Variants in VAMP8 observed in about 807,000 individuals in gnomAD.
The protein encoded by VAMP8 is vesicle associated membrane protein 8, also known as vesicle-associated membrane protein 8.
Under a neutral mutation model 11.4 loss-of-function variants are expected in VAMP8, and 9 were observed. That is an observed-to-expected ratio of 0.79 (90% CI 0.48 to 1.38). The LOEUF (loss-of-function observed/expected upper bound fraction) is 1.38. Ranked by LOEUF, VAMP8 falls within the 40% of genes most tolerant of loss-of-function variation. The pLI is 0.00. For missense variants in VAMP8, 108 were observed against 127.8 expected (o/e 0.85, Z 0.75); for synonymous variants, 42 against 44.7 (o/e 0.94, Z 0.24).
At chr2:85,577,701 G>A (rs1672304000) in intron 1 of VAMP8, 52 bp downstream of exon 1, 5 of 1,551,516 alleles carry the variant, frequency 3.2e-6, no homozygotes, top group African/African-American at 2.7e-5. Context: ...AGCCAGAGGG[G>A]GCTTGGGACT....
intron 1 of VAMP8, among the ~76,000 whole-genome samples, chr2:85,577,894 G>A (rs536043147): frequency 2.0e-5 from 3 of 152,120 alleles, no homozygotes; most frequent in Non-Finnish European, 4.4e-5. Flanking sequence ...GGGCTTCCGT[G>A]CCAGCGCCGA....
chr2:85,577,658 A>C lies in VAMP8; in HGVS notation c.3+9A>C. The C allele has an allele frequency of 6.5e-7, 1 of 1,546,006 alleles. No homozygotes were observed. The highest frequency in any genetic ancestry group is 1.2e-5 in the South Asian group (1 of 83,936). On this transcript the variant is annotated intron_variant, in intron 1 of 2. Coordinates refer to ENST00000263864, the MANE Select transcript of VAMP8 (RefSeq NM_003761.5). ...GGCTGCTCTGAGACATGGTGAGCCA[A>C]CTGGGAACTAGGAAAGGGCTGGTTT...
rs1037366966 is a variant in VAMP8 at position 85,581,823 on chromosome 2, G to A, written c.*107G>A. ...TCTTCCTCTACAGAGAATGCTGCTC[G>A]GTCCTCCTACCCCTCTTCCCGAGGC... On this transcript the variant is annotated 3_prime_UTR_variant, in exon 3 of 3. Coordinates refer to ENST00000263864, the MANE Select transcript of VAMP8 (RefSeq NM_003761.5). The A allele has an allele frequency of 2.7e-6, 4 of 1,478,374 alleles. No homozygotes were observed. The highest frequency in any genetic ancestry group is 2.5e-5 in the South Asian group (2 of 79,312). 91.6% of individuals were successfully genotyped at this position (1,478,374 alleles called of 1,614,324 possible).
In VAMP8 at chr2:85,581,784, G is replaced by T. The variant is rs751059812; in HGVS notation, c.*68G>T. The T allele has an allele frequency of 2.9e-5, 46 of 1,593,808 alleles. No individual in the cohort carries two copies. The highest frequency in any genetic ancestry group is 3.8e-5 in the Non-Finnish European group (44 of 1,167,574). ...ACCCTCCATAAATGTGTGCCAAGAG[G>T]GTCTCCTTTCCTGTCTTCCTCTACA... On this transcript the variant is annotated 3_prime_UTR_variant, in exon 3 of 3. Coordinates refer to ENST00000263864, the MANE Select transcript of VAMP8 (RefSeq NM_003761.5).
intron 1 of VAMP8, among the ~76,000 whole-genome samples, chr2:85,578,250 T>A (rs139977225): frequency 3.9e-5 from 6 of 152,188 alleles, no homozygotes; most frequent in Non-Finnish European, 8.8e-5. Context: ...AATACTATTT[T>A]TCTCTCCTTG....
At chr2:85,577,788 C>T in intron 1 of VAMP8, 139 bp downstream of exon 1, 1 of 1,228,762 alleles carries the variant, frequency 8.1e-7, no homozygotes, top group South Asian at 1.3e-5. Flanking sequence ...GGCCTCTCTT[C>T]TTTGACAACT....
intron 2 of VAMP8, 84 bp downstream of exon 2, chr2:85,579,251 C>A: frequency 2.1e-6 from 3 of 1,420,418 alleles, no homozygotes; most frequent in Non-Finnish European, 2.8e-6. Flanking sequence ...GACAGGAGGG[C>A]CAGAAGTTTG....
At chr2:85,579,672 C>T (rs1672336780) in intron 2 of VAMP8, 3 of 1,517,998 alleles carry the variant, frequency 2.0e-6, no homozygotes, top group Middle Eastern at 3.5e-4. Flanking sequence ...TCCCAGGGTC[C>T]CCTGCTAGAT....
Position 85,581,803 on chromosome 2 carries a change from C to T in VAMP8, c.*87C>T. 2 of 1,557,712 alleles carry T rather than the reference C, an allele frequency of 1.3e-6. No homozygotes were observed. The highest frequency in any genetic ancestry group is 1.8e-5 in the Admixed American group (1 of 57,094). The stretch of plus-strand genomic sequence containing the variant: ...CAAGAGGGTCTCCTTTCCTGTCTTC[C>T]TCTACAGAGAATGCTGCTCGGTCCT... On this transcript the variant is annotated 3_prime_UTR_variant, in exon 3 of 3. Coordinates refer to ENST00000263864, the MANE Select transcript of VAMP8 (RefSeq NM_003761.5).
intron 1 of VAMP8, 92 bp from the exon 2 acceptor site, chr2:85,578,917 G>A (rs1293919527): frequency 2.9e-6 from 4 of 1,364,822 alleles, no homozygotes; most frequent in Non-Finnish European, 3.0e-6. Context: ...AAAAGCTTAA[G>A]TCTGCCTGAG....
intron 2 of VAMP8, among the ~76,000 whole-genome samples, chr2:85,580,183 C>T (rs992478546): frequency 6.6e-6 from 1 of 152,126 alleles, no homozygotes. Flanking sequence ...ACCTCCTGAC[C>T]TCAGGTGATC....
At chr2:85,579,749 C>T in intron 2 of VAMP8, 1 of 1,550,752 alleles carries the variant, frequency 6.4e-7, no homozygotes, top group South Asian at 1.2e-5. Context: ...CAGCCAGGGG[C>T]TGAGGCCAGC....
At chr2:85,578,534 A>G (rs1207144782) in intron 1 of VAMP8, among the ~76,000 whole-genome samples, 1 of 152,116 alleles carries the variant, frequency 6.6e-6, no homozygotes, top group East Asian at 1.9e-4. Context: ...GCTTAGAGGG[A>G]CAGATGGGTG....
At chr2:85,578,386 G>C (rs1314019102) in intron 1 of VAMP8, among the ~76,000 whole-genome samples, 2 of 152,194 alleles carry the variant, frequency 1.3e-5, no homozygotes, top group African/African-American at 2.4e-5. Context: ...GTTGCTTGGT[G>C]CCTGCACGTG....
At chr2:85,578,903 T>C (rs1457301954) in intron 1 of VAMP8, 106 bp from the exon 2 acceptor site, 2 of 1,194,488 alleles carry the variant, frequency 1.7e-6, no homozygotes, top group Non-Finnish European at 2.4e-6. Context: ...TCAAGCATTT[T>C]ACAAAAAGCT....
chr2:85,579,118 G>C lies in VAMP8; in HGVS notation c.113G>C (p.Gly38Ala), dbSNP rs1202657701. The C allele has an allele frequency of 2.5e-6, 4 of 1,608,438 alleles. No individual in the cohort carries two copies. Among genetic ancestry groups the C allele is most frequent in the Non-Finnish European group, 3.4e-6 (4 of 1,176,980 alleles). Reference sequence around the variant, plus strand: ...AATGTGGAGCGGATCCTGGCCCGGGGGGAAAACTTGGAACATCTCCGCAAC... The same window carrying C: ...AATGTGGAGCGGATCCTGGCCCGGGCGGAAAACTTGGAACATCTCCGCAAC... ...TQNVERILAR[G>A]ENLEHLRNKT... The change falls in exon 2 of 3, where the codon GGG becomes GCG. Residue 38 changes from glycine (G) to alanine (A), a missense_variant. By Grantham distance (60) the Gly-to-Ala change is moderately conservative (BLOSUM62 0). Coordinates refer to ENST00000263864, the MANE Select transcript of VAMP8 (RefSeq NM_003761.5).
At chr2:85,580,930 A>C (rs1393606406) in intron 2 of VAMP8, among the ~76,000 whole-genome samples, 1 of 151,790 alleles carries the variant, frequency 6.6e-6, no homozygotes, top group Non-Finnish European at 1.5e-5. Flanking sequence ...CGGCCTCCCA[A>C]AGTGCTGGGA....
rs928952407 is a variant in VAMP8 at position 85,578,908 on chromosome 2, A to G, written c.4-101A>G. 10 of 1,263,246 alleles carry G rather than the reference A, an allele frequency of 7.9e-6. No homozygotes were observed. In the African/African-American group the frequency reaches 1.4e-4, roughly 17 times the overall value. 78.3% of individuals were successfully genotyped at this position (1,263,246 alleles called of 1,614,324 possible). A position where few individuals can be genotyped will look rare whatever the true frequency, so the allele number is the denominator to read the frequency against. ...TGTAAACATTTCAAGCATTTTACAA[A>G]AAGCTTAAGTCTGCCTGAGGCCTTA... On this transcript the variant is annotated intron_variant, in intron 1 of 2. Coordinates refer to ENST00000263864, the MANE Select transcript of VAMP8 (RefSeq NM_003761.5).
At chr2:85,578,746 G>A (rs1422941405) in intron 1 of VAMP8, among the ~76,000 whole-genome samples, 1 of 152,170 alleles carries the variant, frequency 6.6e-6, no homozygotes, top group South Asian at 2.1e-4. Context: ...TTAGTGATGT[G>A]CTGCTTTTCC....
Sources: gnomAD v4.1 joint callset for allele counts (sites outside exome capture counted in the v4.1 genomes callset) on GRCh38, gnomAD v4.1.1 for gene constraint, MANE v1.5 for transcripts, NCBI Gene and HGNC (gene_info 2026-07-23, HGNC 2026-07-21) for gene names.